Variants in LRFN5 observed in about 807,000 individuals in gnomAD.
LRFN5 encodes leucine rich repeat and fibronectin type III domain containing 5, also known as leucine-rich repeat and fibronectin type-III domain-containing protein 5.
In LRFN5, 24 loss-of-function variants were observed where a neutral mutation model predicts 45.6. The observed-to-expected ratio is 0.53, with a 90% confidence interval of 0.38 to 0.74. The LOEUF (loss-of-function observed/expected upper bound fraction) is 0.74. LRFN5 is among the 30% of genes least tolerant of loss of function. The probability of loss-of-function intolerance (pLI) is 0.00; values close to 1 mark genes in which losing one functional copy is unlikely to be tolerated. For missense variants in LRFN5, 776 were observed against 861.5 expected, an observed-to-expected ratio of 0.90 and a Z score of 1.24; for synonymous variants, 340 against 313.8, an observed-to-expected ratio of 1.08 and a Z score of -0.88.
chr14:41,878,371 T>C (rs1157361513), intron 2 of LRFN5, among the ~76,000 whole-genome samples: 1 of 152,134 alleles, frequency 6.6e-6, no homozygotes, highest in Non-Finnish European at 1.5e-5. Context: ...ACTCAACATA[T>C]AAATTGCTAC....
chr14:41,898,478 A>G (rs183408570), intron 4 of LRFN5, among the ~76,000 whole-genome samples: 4 of 152,142 alleles, frequency 2.6e-5, no homozygotes, highest in Admixed American at 2.0e-4. Flanking sequence ...TGTACTCCAT[A>G]TGGTGAACAT....
rs548468008 is a variant in LRFN5 at position 41,887,958 on chromosome 14, C to T, written c.1333C>T (p.Arg445Cys). 2.5e-5 allele frequency: 40 copies of T among 1,613,202 alleles called. No individual in the cohort carries two copies. Among genetic ancestry groups the T allele is most frequent in the Non-Finnish European group, 3.1e-5 (37 of 1,179,622 alleles). The change falls in exon 3 of 6, where the codon CGT becomes TGT. Residue 445 changes from arginine (R) to cysteine (C), a missense_variant. Coordinates refer to ENST00000298119, the MANE Select transcript of LRFN5 (RefSeq NM_152447.5). The surrounding 1 kb of genome is among the most constrained non-coding windows in gnomAD (Gnocchi z 4.8). ...FNFQRNIPGI[R>C]MFQIQYNGTY... ...TTTTCAAAGAAATATCCCTGGAATA[C>T]GTATGTTTCAAATCCAGTACAATGG... is the stretch of plus-strand genomic sequence containing the variant.
At position 41,872,965 on chromosome 14, in the gene LRFN5, T is replaced by G. The variant is rs1890068104; in HGVS notation, c.-20-13641T>G. On this transcript the variant is annotated intron_variant, in intron 2 of 5. Coordinates refer to ENST00000298119, the MANE Select transcript of LRFN5 (RefSeq NM_152447.5). ...TCTGTTTTTTCACTAAACTTTTGTC[T>G]AAATTCCACTTCTTTATGAGTCATA... 2.0e-5 allele frequency among the ~76,000 whole-genome samples: 3 copies of G among 152,370 alleles called. No homozygotes were observed. In the South Asian group the frequency reaches 6.2e-4, roughly 32 times the overall value.
chr14:41,817,606 G>T (rs1187393098), intron 2 of LRFN5, among the ~76,000 whole-genome samples: 3 of 152,118 alleles, frequency 2.0e-5, no homozygotes, highest in Non-Finnish European at 4.4e-5. Context: ...ATGAAACTTA[G>T]AGGTTAGGAT....
chr14:41,688,016 A>G (rs1372914385), intron 1 of LRFN5, among the ~76,000 whole-genome samples: 1 of 152,244 alleles, frequency 6.6e-6, no homozygotes, highest in Non-Finnish European at 1.5e-5. Flanking sequence ...GTCAGCAACA[A>G]CATGGATGGA....
chr14:41,687,423 G>T (rs1882169968), intron 1 of LRFN5, among the ~76,000 whole-genome samples: 1 of 152,222 alleles, frequency 6.6e-6, no homozygotes, highest in African/African-American at 2.4e-5. Context: ...GTGGAAGACA[G>T]TAATGCGATT....
At chr14:41,617,401 T>C (rs1394830843) in intron 1 of LRFN5, among the ~76,000 whole-genome samples, 1 of 152,084 alleles carries the variant, frequency 6.6e-6, no homozygotes, top group Non-Finnish European at 1.5e-5. Context: ...AATCCAAACA[T>C]TTTTGGTTCT....
chr14:41,786,201 G>A (rs900026087), intron 2 of LRFN5, among the ~76,000 whole-genome samples: 7 of 151,902 alleles, frequency 4.6e-5, no homozygotes, highest in Non-Finnish European at 7.4e-5. Flanking sequence ...ACAGACAATG[G>A]GCAAAATAAT....
intron 1 of LRFN5, among the ~76,000 whole-genome samples, chr14:41,736,927 AGGAGCT>A (rs1884462596): frequency 6.6e-6 from 1 of 152,212 alleles, no homozygotes; most frequent in Non-Finnish European, 1.5e-5. Flanking sequence ...AGGTACAAAG[AGGAGCT>A]GGTACCATTC....
At chr14:41,620,758 A>C (rs1254944508) in intron 1 of LRFN5, among the ~76,000 whole-genome samples, 1 of 152,022 alleles carries the variant, frequency 6.6e-6, no homozygotes, top group Non-Finnish European at 1.5e-5. Flanking sequence ...GATGTTGGGG[A>C]AAGCAGTTTT....
chr14:41,738,666 A>G (rs1884552946), intron 1 of LRFN5, among the ~76,000 whole-genome samples: 1 of 152,154 alleles, frequency 6.6e-6, no homozygotes, highest in Non-Finnish European at 1.5e-5. Flanking sequence ...CCCGTTTTAT[A>G]CATTAAGTAG....
chr14:41,904,367 T>C lies in LRFN5; in HGVS notation c.*192T>C. The C allele has an allele frequency of 1.8e-6, 1 of 549,874 alleles. No individual in the cohort carries two copies. Among genetic ancestry groups the C allele is most frequent in the Non-Finnish European group, 3.0e-6 (1 of 329,992 alleles). The allele number at this position is 549,874 out of a possible 1,614,324, so 34.1% of individuals were successfully genotyped here. ...TCCATTAGACCATGGTTCATCCTCT[T>C]TTAAAACCAAATTTTTTTTTCTTCT... On this transcript the variant is annotated 3_prime_UTR_variant, in exon 6 of 6. Transcript: ENST00000298119.
intron 1 of LRFN5, among the ~76,000 whole-genome samples, chr14:41,711,534 C>T (rs930146890): frequency 6.6e-6 from 1 of 152,062 alleles, no homozygotes; most frequent in Non-Finnish European, 1.5e-5. Context: ...TTCAAATCTC[C>T]CCATCATGTA....
chr14:41,853,402 G>A (rs1279274205), intron 2 of LRFN5, among the ~76,000 whole-genome samples: 2 of 151,870 alleles, frequency 1.3e-5, no homozygotes, highest in Non-Finnish European at 2.9e-5. Flanking sequence ...ACTGACAATG[G>A]AGATCAAGTT....
intron 2 of LRFN5, among the ~76,000 whole-genome samples, chr14:41,863,436 GT>G (rs1370972552): frequency 1.3e-5 from 2 of 152,026 alleles, no homozygotes; most frequent in African/African-American, 4.8e-5. Context: ...GGTGATTATA[GT>G]TATATCCCAC....
chr14:41,628,668 T>A (rs1198676056), intron 1 of LRFN5, among the ~76,000 whole-genome samples: 1 of 152,190 alleles, frequency 6.6e-6, no homozygotes, highest in Non-Finnish European at 1.5e-5. Flanking sequence ...GTTGTCTTGG[T>A]TGAATGTACA....
At chr14:41,741,197 T>A (rs1363987362) in intron 1 of LRFN5, among the ~76,000 whole-genome samples, 1 of 151,066 alleles carries the variant, frequency 6.6e-6, no homozygotes, top group Non-Finnish European at 1.5e-5. Context: ...AATTTGTTTT[T>A]CACAGAAATA....
intron 1 of LRFN5, among the ~76,000 whole-genome samples, chr14:41,647,622 A>C (rs1391907775): frequency 6.6e-6 from 1 of 152,206 alleles, no homozygotes; most frequent in African/African-American, 2.4e-5. Flanking sequence ...AATTTTAACA[A>C]GGGTAAGAAA....
intron 2 of LRFN5, among the ~76,000 whole-genome samples, chr14:41,794,694 T>A (rs1008990862): frequency 4.6e-5 from 7 of 152,010 alleles, no homozygotes; most frequent in African/African-American, 1.7e-4. Context: ...ATAAAATAAA[T>A]CTGTATAGAG....
Sources: allele counts gnomAD v4.1 joint callset (sites outside exome capture counted in the v4.1 genomes callset), GRCh38; gene constraint gnomAD v4.1.1; non-coding constraint Gnocchi (gnomAD v3.1); transcripts MANE v1.5; gene names NCBI Gene and HGNC (gene_info 2026-07-23, HGNC 2026-07-21).